SLC24A2: variants seen among roughly 807,000 people sequenced by gnomAD.
SLC24A2 encodes sodium/potassium/calcium exchanger 2.
SLC24A2 carries 36 observed loss-of-function variants against 62.0 expected under a neutral mutation model. That is an observed-to-expected ratio of 0.58 (90% CI 0.44 to 0.77). SLC24A2 has a LOEUF of 0.77. Among genes scored for constraint, SLC24A2 ranks in the 30% least tolerant of loss-of-function variants. The pLI, the probability that SLC24A2 is intolerant of heterozygous loss-of-function variation, is 0.00. For synonymous variants in SLC24A2, 358 were observed against 294.0 expected (o/e 1.22, Z -2.23); for missense variants, 846 against 817.9 (o/e 1.03, Z -0.42).
At chr9:20,183,607 G>A in the SLC24A2 span, among the ~76,000 whole-genome samples, 2 of 152,222 alleles carry the variant, frequency 1.3e-5, no homozygotes, top group Non-Finnish European at 2.9e-5. Context: ...GCTAATGCTA[G>A]CAAGAACAGA....
the SLC24A2 span, among the ~76,000 whole-genome samples, chr9:19,940,462 C>G: frequency 6.6e-6 from 1 of 152,292 alleles, no homozygotes; most frequent in South Asian, 2.1e-4. Context: ...ATTGTATGTT[C>G]TTATTGAGTG....
chr9:20,104,568 T>C, the SLC24A2 span, among the ~76,000 whole-genome samples: 1 of 152,154 alleles, frequency 6.6e-6, no homozygotes, highest in East Asian at 1.9e-4. Context: ...GAAAAGAACT[T>C]TCAACCCAGA....
chr9:20,252,742 C>T, the SLC24A2 span, among the ~76,000 whole-genome samples: 361 of 152,262 alleles, frequency 2.4e-3, 4 homozygotes, highest in Middle Eastern at 0.02. Flanking sequence ...GTTGTCTTTT[C>T]CCCTTGCTCC....
chr9:20,173,213 C>A, the SLC24A2 span, among the ~76,000 whole-genome samples: 1 of 152,054 alleles, frequency 6.6e-6, no homozygotes, highest in Admixed American at 6.6e-5. Context: ...GACAAACCCA[C>A]AACCAACATA....
intron 2 of SLC24A2, among the ~76,000 whole-genome samples, chr9:19,688,168 T>C (rs751994638): frequency 2.0e-5 from 3 of 152,120 alleles, no homozygotes; most frequent in Non-Finnish European, 4.4e-5. Flanking sequence ...CAAAATAAAA[T>C]ATTTTAGTTT....
At chr9:20,018,789 A>T in the SLC24A2 span, among the ~76,000 whole-genome samples, 5 of 152,042 alleles carry the variant, frequency 3.3e-5, no homozygotes, top group African/African-American at 1.2e-4. Flanking sequence ...TATCTTAAAA[A>T]GTAGGGTGGT....
At chr9:20,019,108 AG>A in the SLC24A2 span, among the ~76,000 whole-genome samples, 3 of 30,548 alleles carry the variant, frequency 9.8e-5, no homozygotes, top group Non-Finnish European at 1.6e-4. Flanking sequence ...AAAGATAGAA[AG>A]AAAGAAAGAA....
the SLC24A2 span, among the ~76,000 whole-genome samples, chr9:19,799,301 A>G: frequency 6.6e-6 from 1 of 152,154 alleles, no homozygotes; most frequent in Non-Finnish European, 1.5e-5. Flanking sequence ...ACTTTGCTGA[A>G]GTATTTGCCT....
chr9:19,642,040 T>G (rs1818509718), intron 2 of SLC24A2, among the ~76,000 whole-genome samples: 1 of 151,942 alleles, frequency 6.6e-6, no homozygotes, highest in African/African-American at 2.4e-5. Flanking sequence ...GAAGGAGCAG[T>G]CGTTGGGAGG....
chr9:19,810,659 G>A, the SLC24A2 span, among the ~76,000 whole-genome samples: 3 of 152,194 alleles, frequency 2.0e-5, no homozygotes, highest in Non-Finnish European at 4.4e-5. Context: ...CGCTTAAGTA[G>A]CCAGTTATAA....
the SLC24A2 span, among the ~76,000 whole-genome samples, chr9:20,204,869 G>A: frequency 2.1e-4 from 32 of 150,650 alleles, no homozygotes; most frequent in Admixed American, 6.0e-4. Context: ...TCAGCCTCCC[G>A]AGTAGCCTGG....
chr9:20,246,572 G>C, the SLC24A2 span, among the ~76,000 whole-genome samples: 192 of 152,318 alleles, frequency 1.3e-3, no homozygotes, highest in Non-Finnish European at 2.0e-3. Context: ...TGTGTTGATA[G>C]AATTTAATGA....
chr9:19,776,930 G>A (rs1330227085), intron 2 of SLC24A2, among the ~76,000 whole-genome samples: 1 of 152,140 alleles, frequency 6.6e-6, no homozygotes, highest in Non-Finnish European at 1.5e-5. Context: ...TTCCTTGGAG[G>A]TACAGAATCC....
chr9:20,132,570 C>G, the SLC24A2 span, among the ~76,000 whole-genome samples: 44 of 152,178 alleles, frequency 2.9e-4, no homozygotes, highest in African/African-American at 1.0e-3. Context: ...TTAAAGACCT[C>G]AAATCTCACT....
At chr9:19,941,397 C>T in the SLC24A2 span, among the ~76,000 whole-genome samples, 1 of 152,118 alleles carries the variant, frequency 6.6e-6, no homozygotes, top group Admixed American at 6.5e-5. Flanking sequence ...TCCATTTTGT[C>T]TGGTCTTAAC....
intron 2 of SLC24A2, among the ~76,000 whole-genome samples, chr9:19,688,239 T>C (rs960091232): frequency 2.0e-5 from 3 of 152,154 alleles, no homozygotes; most frequent in African/African-American, 7.2e-5. Flanking sequence ...GACTTGATAA[T>C]CCTGGCTTTA....
At chr9:19,518,132 G>C (rs540585545) in intron 10 of SLC24A2, among the ~76,000 whole-genome samples, 2 of 152,228 alleles carry the variant, frequency 1.3e-5, no homozygotes, top group East Asian at 3.9e-4. Context: ...GATCATTTCA[G>C]TGTTATTTTG....
intron 3 of SLC24A2, 38 bp downstream of exon 3, chr9:19,622,223 G>T (rs371718930): frequency 1.7e-4 from 267 of 1,595,114 alleles, no homozygotes; most frequent in Non-Finnish European, 2.2e-4. Flanking sequence ...CTCTCCACAG[G>T]CACACAAACA....
At chr9:20,263,861 G>GCCCCCCCCCCCCCCCCCC in the SLC24A2 span, among the ~76,000 whole-genome samples, 1 of 30,776 alleles carries the variant, frequency 3.2e-5, no homozygotes, top group Non-Finnish European at 6.8e-5. Flanking sequence ...TATCCCACCC[G>GCCCCCCCCCCCCCCCCCC]CCCCCCCCCC....
Sources: gnomAD v4.1 joint callset for allele counts (sites outside exome capture counted in the v4.1 genomes callset) on GRCh38, gnomAD v4.1.1 for gene constraint, MANE v1.5 for transcripts, NCBI Gene and HGNC (gene_info 2026-07-23, HGNC 2026-07-21) for gene names.